The following ZNF880 variants were observed in gnomAD, a reference collection of about 807,000 sequenced individuals.
The protein encoded by ZNF880 is zinc finger protein LOC400713.
In ZNF880, 12 loss-of-function variants were observed where a neutral mutation model predicts 11.8. The ratio of observed to expected loss-of-function variants is 1.02; its 90% confidence interval spans 0.65 to 1.65. The LOEUF (loss-of-function observed/expected upper bound fraction) is 1.65. Ranked by LOEUF, ZNF880 falls within the 40% of genes most tolerant of loss-of-function variation. The pLI, the probability that ZNF880 is intolerant of heterozygous loss-of-function variation, is 0.00. For missense variants in ZNF880, 601 were observed against 673.9 expected (o/e 0.89, Z 1.20); for synonymous variants, 210 against 232.4 (o/e 0.90, Z 0.88).
At chr19:52,379,185 T>A (rs1986639447) in intron 3 of ZNF880, among the ~76,000 whole-genome samples, 4 of 152,106 alleles carry the variant, frequency 2.6e-5, no homozygotes, top group Admixed American at 2.6e-4. Context: ...GGATGTTGTA[T>A]CAGGGAATGG....
In ZNF880 at chr19:52,384,236, A is replaced by G. The variant is rs1986789467; in HGVS notation, c.656A>G (p.Lys219Arg). The part of the protein sequence containing the change: ...DNPYKCNECD[K>R]VFSNSSNLVQ... ...CCTTACAAATGTAATGAATGTGACA[A>G]GGTCTTCAGTAACAGTTCAAACCTT... Residue 219 changes from lysine to arginine, a missense_variant, in exon 4 of 4, where the codon AAG (lysine) becomes AGG (arginine). Coordinates refer to ENST00000422689, the MANE Select transcript of ZNF880 (RefSeq NM_001145434.2). 3.1e-6 allele frequency: 5 copies of G among 1,612,854 alleles called. No individual in the cohort carries two copies. The highest frequency in any genetic ancestry group is 1.3e-5 in the African/African-American group (1 of 74,918).
At chr19:52,390,042 A>G (rs1394954781), downstream of ZNF880, 1 of 153,702 alleles carries the variant, frequency 6.5e-6, no homozygotes, top group East Asian at 1.9e-4. Flanking sequence ...AATTTACTGT[A>G]TTAGTCTGTT....
At chr19:52,394,040 CGT>C in the ZNF880 span, among the ~76,000 whole-genome samples, 1 of 151,576 alleles carries the variant, frequency 6.6e-6, no homozygotes, top group East Asian at 2.0e-4. Context: ...GGGGTTTCAC[CGT>C]GTTAGCCAGG....
downstream of ZNF880, among the ~76,000 whole-genome samples, chr19:52,388,261 C>G (rs1267169648): frequency 8.7e-6 from 1 of 115,132 alleles, no homozygotes; most frequent in Non-Finnish European, 1.8e-5. Flanking sequence ...CTTCCCCTTA[C>G]AACATTTTTG....
chr19:52,394,090 T>C, the ZNF880 span, among the ~76,000 whole-genome samples: 108 of 151,932 alleles, frequency 7.1e-4, 1 homozygote, highest in East Asian at 3.7e-3. Context: ...CCACCTGCCT[T>C]GGCCTCCCAA....
chr19:52,387,176 T>C (rs529815160), downstream of ZNF880, among the ~76,000 whole-genome samples: 4 of 144,588 alleles, frequency 2.8e-5, 1 homozygote, highest in South Asian at 4.3e-4. Context: ...TTTTAAAAAA[T>C]GCACCATTAA....
At chr19:52,370,981 T>G (rs12978149) in intron 1 of ZNF880, among the ~76,000 whole-genome samples, 14,951 of 152,234 alleles carry the variant, frequency 0.098, 844 homozygotes, top group African/African-American at 0.16. Flanking sequence ...ACTCTTTCAG[T>G]TGTCACATAT....
chr19:52,384,977 G>A lies in ZNF880; in HGVS notation c.1397G>A (p.Cys466Tyr). ...CATACTGGAGAGAAACCTTACAGAT[G>A]TGATGAATGTGGCAAGGACTTCACT... ...RFHTGEKPYR[C>Y]DECGKDFTRN... Residue 466 changes from cysteine to tyrosine, a missense_variant, in exon 4 of 4, where the codon TGT becomes TAT. By Grantham distance (194) the Cys-to-Tyr change is radical. Around this residue, in one of 3 missense-constraint regions of ZNF880, gnomAD observed 177 missense variants for 214.5 expected, o/e 0.83. Coordinates refer to ENST00000422689, the MANE Select transcript of ZNF880 (RefSeq NM_001145434.2). 6.4e-7 allele frequency: 1 copy of A among 1,567,554 alleles called. No individual in the cohort carries two copies. The highest frequency in any genetic ancestry group is 1.9e-5 in the Admixed American group (1 of 52,368).
At chr19:52,371,757 CA>C (rs1568659782) in intron 1 of ZNF880, among the ~76,000 whole-genome samples, 1 of 152,154 alleles carries the variant, frequency 6.6e-6, no homozygotes, top group African/African-American at 2.4e-5. Context: ...ACACCTGGGG[CA>C]AGTTTCTTAG....
chr19:52,386,160 AGACTCTGTCTC>A (rs1986880686), downstream of ZNF880, among the ~76,000 whole-genome samples: 1 of 116,848 alleles, frequency 8.6e-6, no homozygotes, highest in African/African-American at 3.8e-5. Context: ...GGACAGAGTG[AGACTCTGTCTC>A]AAAAAAAAAA....
At chr19:52,388,512 G>A (rs893105096), downstream of ZNF880, among the ~76,000 whole-genome samples, 3 of 151,392 alleles carry the variant, frequency 2.0e-5, no homozygotes, top group African/African-American at 7.3e-5. Flanking sequence ...TCTTGACCTC[G>A]TGATCCACCC....
At position 52,385,005 on chromosome 19, in the gene ZNF880, A is replaced by C; in HGVS notation, c.1425A>C (p.Arg475=). The C allele has an allele frequency of 6.4e-7, 1 of 1,562,438 alleles. No individual in the cohort carries two copies. ...RCDECGKDFT[R]NSNLANHHRI... Reference sequence around the variant, plus strand: ...ATGAATGTGGCAAGGACTTCACTCGAAATTCAAACCTTGCAAATCATCACA... The same window carrying C: ...ATGAATGTGGCAAGGACTTCACTCGCAATTCAAACCTTGCAAATCATCACA... The change falls in exon 4 of 4, where the codon CGA becomes CGC. Residue 475 remains arginine (R), a synonymous_variant. Coordinates refer to ENST00000422689, the MANE Select transcript of ZNF880 (RefSeq NM_001145434.2).
intron 1 of ZNF880, among the ~76,000 whole-genome samples, chr19:52,372,471 G>A (rs1986405881): frequency 6.7e-6 from 1 of 149,706 alleles, no homozygotes; most frequent in African/African-American, 2.4e-5. Flanking sequence ...TGTATTTTTA[G>A]TAGAGACAGG....
chr19:52,373,179 T>A lies in ZNF880; in HGVS notation c.81T>A (p.Ala27=), dbSNP rs931103935. The part of the protein sequence containing the change: ...PQEEWKCLDP[A]QRTLYREVMV... Reference sequence around the variant, plus strand: ...AGGAGTGGAAATGTCTGGACCCTGCTCAGAGGACTTTATACAGGGAAGTGA... The same window carrying A: ...AGGAGTGGAAATGTCTGGACCCTGCACAGAGGACTTTATACAGGGAAGTGA... Residue 27 remains alanine, a synonymous_variant, in exon 2 of 4, where the codon GCT becomes GCA. Transcript: ENST00000422689. 6.2e-7 allele frequency: 1 copy of A among 1,613,234 alleles called. No individual in the cohort carries two copies. Among genetic ancestry groups the A allele is most frequent in the Non-Finnish European group, 8.5e-7 (1 of 1,179,544 alleles).
chr19:52,381,897 T>C (rs62108322), intron 3 of ZNF880, among the ~76,000 whole-genome samples: 25,099 of 152,188 alleles, frequency 0.16, 2,596 homozygotes, highest in Non-Finnish European at 0.23. Flanking sequence ...GCAGAAATTA[T>C]TTTGATATAT....
chr19:52,372,580 G>A (rs1302630018), intron 1 of ZNF880, among the ~76,000 whole-genome samples: 10 of 148,536 alleles, frequency 6.7e-5, no homozygotes, highest in African/African-American at 2.2e-4. Context: ...GAGCCACCGC[G>A]CCCGGCCTAG....
chr19:52,373,279 G>T, intron 2 of ZNF880, 42 bp downstream of exon 2: 1 of 1,577,770 alleles, frequency 6.3e-7, no homozygotes, highest in Non-Finnish European at 8.6e-7. Context: ...CTGCCCTGGT[G>T]TATTTTTGCA....
chr19:52,372,987 T>A, intron 1 of ZNF880, 124 bp from the exon 2 acceptor site: 3 of 787,982 alleles, frequency 3.8e-6, no homozygotes, highest in East Asian at 3.2e-5. Context: ...TAGAAACATA[T>A]AACTAGCTAA....
At chr19:52,370,081 T>C in intron 1 of ZNF880, 104 bp downstream of exon 1, 1 of 1,410,866 alleles carries the variant, frequency 7.1e-7, no homozygotes, top group Non-Finnish European at 9.8e-7. Context: ...CCCGCATCGC[T>C]CCCTCCACCC....
Sources: allele counts gnomAD v4.1 joint callset (sites outside exome capture counted in the v4.1 genomes callset), GRCh38; gene constraint gnomAD v4.1.1; regional missense constraint gnomAD v4.1.1; transcripts MANE v1.5; gene names NCBI Gene and HGNC (gene_info 2026-07-23, HGNC 2026-07-21).